Variants in CLHC1 observed in about 807,000 individuals in gnomAD.
The protein encoded by CLHC1 is clathrin heavy chain linker domain-containing protein 1.
A neutral mutation model predicts 69.5 loss-of-function variants in CLHC1; 72 were observed. The observed-to-expected ratio is 1.04, with a 90% confidence interval of 0.86 to 1.26. The LOEUF is 1.26. CLHC1 is among the 50% of genes most tolerant of loss of function. The probability of loss-of-function intolerance (pLI) is 0.00; values close to 1 mark genes in which losing one functional copy is unlikely to be tolerated. For synonymous variants in CLHC1, 223 were observed against 224.3 expected, an observed-to-expected ratio of 0.99 and a Z score of 0.05; for missense variants, 790 against 679.3, an observed-to-expected ratio of 1.16 and a Z score of -1.81.
intron 2 of CLHC1, among the ~76,000 whole-genome samples, chr2:55,226,476 ACT>A (rs1247807231): frequency 6.6e-6 from 1 of 152,112 alleles, no homozygotes; most frequent in Non-Finnish European, 1.5e-5. Flanking sequence ...TTGAAATTAA[ACT>A]CTATATTCAG....
In CLHC1 at chr2:55,222,223, G is replaced by A. The variant is rs1674196681; in HGVS notation, c.177+12C>T. ...TCATGAAAACTTAATTGTCTTAAAA[G>A]CTTTATGATACCTTATCAAAAACAT... is the stretch of plus-strand genomic sequence containing the variant. On this transcript the variant is annotated intron_variant, in intron 3 of 12. Transcript: ENST00000401408. The A allele has an allele frequency of 2.5e-6, 4 of 1,597,886 alleles. No homozygotes were observed. Among genetic ancestry groups the A allele is most frequent in the African/African-American group, 2.7e-5 (2 of 74,686 alleles).
intron 11 of CLHC1, 74 bp downstream of exon 11, chr2:55,180,436 C>A: frequency 9.5e-7 from 1 of 1,052,330 alleles, no homozygotes. Flanking sequence ...TAAAGTAGTG[C>A]TTGCTATTAT....
intron 11 of CLHC1, 45 bp downstream of exon 11, chr2:55,180,465 A>T (rs1345988517): frequency 2.1e-6 from 3 of 1,417,502 alleles, no homozygotes; most frequent in Non-Finnish European, 3.0e-6. Context: ...TTACAATTAA[A>T]GCCCAGAATT....
At chr2:55,229,028 A>G (rs1450675644) in intron 1 of CLHC1, among the ~76,000 whole-genome samples, 1 of 151,878 alleles carries the variant, frequency 6.6e-6, no homozygotes, top group Non-Finnish European at 1.5e-5. Context: ...GCTCACACCT[A>G]TAATCCCAGC....
chr2:55,222,918 CAAAA>C lies in CLHC1; in HGVS notation c.-82-429_-82-426del, dbSNP rs59113625. The stretch of plus-strand genomic sequence containing the variant: ...CTGGGCAACAAGAGCGAAACTGTCT[CAAAA>C]AAAAAAAAAAAAAAAAAAAAGTCTA... On this transcript the variant is annotated intron_variant, in intron 2 of 12. Transcript: ENST00000401408. Among the ~76,000 whole-genome samples, 110 of 68,554 alleles carry C rather than the reference CAAAA, an allele frequency of 1.6e-3. No individual in the cohort carries two copies. The Middle Eastern group carries it at 0.034, about 21-fold the overall frequency. The allele number at this position is 68,554 out of a possible 152,430, so 45.0% of individuals were successfully genotyped here.
At chr2:55,216,244 AG>A (rs961000189) in intron 4 of CLHC1, 10 of 151,792 alleles carry the variant, frequency 6.6e-5, no homozygotes, top group Admixed American at 4.6e-4. Flanking sequence ...CCATGAGCCA[AG>A]ATCACACCAT....
intron 9 of CLHC1, among the ~76,000 whole-genome samples, chr2:55,192,776 A>C (rs893327919): frequency 3.0e-4 from 45 of 152,186 alleles, no homozygotes; most frequent in Admixed American, 6.5e-4. Flanking sequence ...TCCTTAAGCA[A>C]AAGAATGAAA....
chr2:55,208,322 G>A (rs1672636699), intron 8 of CLHC1, among the ~76,000 whole-genome samples: 2 of 152,078 alleles, frequency 1.3e-5, no homozygotes, highest in African/African-American at 2.4e-5. Flanking sequence ...ATAGCCTGAA[G>A]GCAATTTTAT....
Position 55,172,869 on chromosome 2 carries a change from T to C in CLHC1, c.*2921A>G, listed in dbSNP as rs997643986. On this transcript the variant is annotated 3_prime_UTR_variant, in exon 13 of 13. Coordinates refer to ENST00000401408, the MANE Select transcript of CLHC1 (RefSeq NM_152385.4). ...TTAATTCAGGATTTAGGAAAAGTTC[T>C]AAATATTAAAAAAATTTTTTTCATT... is the stretch of plus-strand genomic sequence containing the variant. Among the ~76,000 whole-genome samples the C allele has an allele frequency of 6.6e-6, 1 of 152,194 alleles. No individual in the cohort carries two copies. The highest frequency in any genetic ancestry group is 1.5e-5 in the Non-Finnish European group (1 of 68,028).
chr2:55,184,410 T>A (rs901723873), intron 9 of CLHC1, among the ~76,000 whole-genome samples: 3 of 152,186 alleles, frequency 2.0e-5, no homozygotes, highest in African/African-American at 7.2e-5. Flanking sequence ...TGGCCAACAT[T>A]CCTGTTTTTC....
In CLHC1 at chr2:55,172,554, T is replaced by C. The variant is rs549894391; in HGVS notation, c.*3236A>G. ...TATATAAATAATAGTGTCTTTTTTA[T>C]GTACCCAATATATTTTTATTCAAGA... is the stretch of plus-strand genomic sequence containing the variant. On this transcript the variant is annotated 3_prime_UTR_variant, in exon 13 of 13. Transcript: ENST00000401408. Among the ~76,000 whole-genome samples, 1 of 151,826 alleles carries C rather than the reference T, an allele frequency of 6.6e-6. No homozygotes were observed. Among genetic ancestry groups the C allele is most frequent in the Non-Finnish European group, 1.5e-5 (1 of 67,996 alleles).
chr2:55,187,752 G>T (rs1670554387), intron 9 of CLHC1, among the ~76,000 whole-genome samples: 1 of 151,974 alleles, frequency 6.6e-6, no homozygotes, highest in Admixed American at 6.6e-5. Flanking sequence ...AATGACTTAG[G>T]GTAGGGAAGG....
At chr2:55,190,817 A>G (rs1670855954) in intron 9 of CLHC1, among the ~76,000 whole-genome samples, 1 of 152,180 alleles carries the variant, frequency 6.6e-6, no homozygotes, top group South Asian at 2.1e-4. Context: ...TATTTGAAAA[A>G]TAATGGCTAT....
chr2:55,214,896 T>G (rs1037465331), intron 4 of CLHC1: 4 of 152,198 alleles, frequency 2.6e-5, no homozygotes, highest in Non-Finnish European at 5.9e-5. Context: ...TTCTAATACA[T>G]TACCACATGG....
intron 9 of CLHC1, among the ~76,000 whole-genome samples, chr2:55,198,471 G>A (rs568951208): frequency 2.0e-5 from 3 of 152,258 alleles, no homozygotes; most frequent in South Asian, 2.1e-4. Flanking sequence ...TGTAGTTTCA[G>A]CTATTCAGGA....
Position 55,222,293 on chromosome 2 carries a change from C to T in CLHC1, c.119G>A (p.Cys40Tyr). Residue 40 changes from cysteine to tyrosine, a missense_variant, in exon 3 of 13, where the codon TGT (cysteine) becomes TAT (tyrosine). Cys to Tyr is a radical substitution (Grantham distance 194). Transcript: ENST00000401408. ...YIITETERLG[C>Y]SEEGPADEYY... ...TTCATCAGCAGGTCCTTCCTCACTACAGCCCAGTCTTTCAGTTTCTGTAAT... is the reference window on the plus strand; with the variant it reads ...TTCATCAGCAGGTCCTTCCTCACTATAGCCCAGTCTTTCAGTTTCTGTAAT... The T allele has an allele frequency of 6.2e-7, 1 of 1,613,628 alleles. No homozygotes were observed.
At chr2:55,186,595 A>C (rs1361131569) in intron 9 of CLHC1, among the ~76,000 whole-genome samples, 1 of 152,034 alleles carries the variant, frequency 6.6e-6, no homozygotes, top group African/African-American at 2.4e-5. Flanking sequence ...CTCTACAACA[A>C]CAACAACAAC....
chr2:55,206,731 A>G (rs780201265), intron 8 of CLHC1: 5 of 221,306 alleles, frequency 2.3e-5, no homozygotes, highest in Non-Finnish European at 3.5e-5. Context: ...TCATCTCCAC[A>G]TGAAAAAGTA....
At chr2:55,223,708 G>A (rs556054377) in intron 2 of CLHC1, among the ~76,000 whole-genome samples, 3 of 152,160 alleles carry the variant, frequency 2.0e-5, no homozygotes, top group East Asian at 1.9e-4. Flanking sequence ...CACAGGCACC[G>A]CCCCCAGGAG....
Sources: gnomAD v4.1 joint callset for allele counts (sites outside exome capture counted in the v4.1 genomes callset) on GRCh38, gnomAD v4.1.1 for gene constraint, MANE v1.5 for transcripts, NCBI Gene and HGNC (gene_info 2026-07-23, HGNC 2026-07-21) for gene names.